SPPL2A: variants seen among roughly 807,000 people sequenced by gnomAD.
The protein encoded by SPPL2A is signal peptide peptidase like 2A.
In SPPL2A, 51 loss-of-function variants were observed where a neutral mutation model predicts 63.8. The ratio of observed to expected loss-of-function variants is 0.80; its 90% CI spans 0.64 to 1.01. SPPL2A has a LOEUF of 1.01. Ranked by LOEUF, SPPL2A falls within the 50% of genes least tolerant of loss-of-function variation. SPPL2A has a pLI of 0.00. For synonymous variants in SPPL2A, 188 were observed against 205.8 expected (o/e 0.91, Z 0.74); for missense variants, 553 against 622.7 (o/e 0.89, Z 1.19).
chr15:50,755,627 C>CAAAA (rs148415568), intron 1 of SPPL2A, among the ~76,000 whole-genome samples: 43 of 49,498 alleles, frequency 8.7e-4, no homozygotes, highest in African/African-American at 1.2e-3. Context: ...CACCCTGTCT[C>CAAAA]AAAAAAAAAA....
chr15:50,710,488 C>T (rs1024254437), intron 14 of SPPL2A, among the ~76,000 whole-genome samples: 5 of 151,982 alleles, frequency 3.3e-5, no homozygotes, highest in African/African-American at 9.7e-5. Context: ...ACATAAAGAA[C>T]AAAGTTTTAA....
chr15:50,721,014 C>T (rs2062642123), intron 13 of SPPL2A, among the ~76,000 whole-genome samples: 1 of 151,948 alleles, frequency 6.6e-6, no homozygotes, highest in Non-Finnish European at 1.5e-5. Context: ...ATGTTAAAGC[C>T]CTGGAGAGTA....
intron 1 of SPPL2A, among the ~76,000 whole-genome samples, chr15:50,754,951 C>T (rs987241561): frequency 1.3e-5 from 2 of 151,696 alleles, no homozygotes; most frequent in Non-Finnish European, 2.9e-5. Flanking sequence ...CATTGCACTC[C>T]AGCCTGGGCA....
At chr15:50,715,793 C>T (rs1428127412) in intron 14 of SPPL2A, among the ~76,000 whole-genome samples, 1 of 151,994 alleles carries the variant, frequency 6.6e-6, no homozygotes, top group Non-Finnish European at 1.5e-5. Flanking sequence ...TAATATTAAC[C>T]TACAAGACAT....
intron 1 of SPPL2A, among the ~76,000 whole-genome samples, chr15:50,755,651 A>G (rs1420893912): frequency 8.8e-5 from 13 of 148,018 alleles, no homozygotes; most frequent in East Asian, 3.9e-4. Flanking sequence ...AAAAAAAAAA[A>G]AAAAAGAAGA....
chr15:50,716,087 C>T (rs2062596923), intron 14 of SPPL2A, among the ~76,000 whole-genome samples: 2 of 152,156 alleles, frequency 1.3e-5, no homozygotes, highest in South Asian at 2.1e-4. Context: ...GAAGGAAATT[C>T]ACTTAAACCT....
rs920752970 is a variant in SPPL2A at position 50,745,323 on chromosome 15, G to A, written c.584+2172C>T. On this transcript the variant is annotated intron_variant, in intron 5 of 14. Transcript: ENST00000261854. The stretch of plus-strand genomic sequence containing the variant: ...ACGCCACCACACCTGTTTGATTTTC[G>A]TACTTTTACTAGAGATGGGGTTTCG... 1.2e-4 allele frequency among the ~76,000 whole-genome samples: 18 copies of A among 152,022 alleles called. 1 individual carries two copies. Among genetic ancestry groups the A allele is most frequent in the Admixed American group, 8.5e-4 (13 of 15,242 alleles).
At chr15:50,746,329 T>C (rs971323578) in intron 5 of SPPL2A, among the ~76,000 whole-genome samples, 1 of 150,504 alleles carries the variant, frequency 6.6e-6, no homozygotes, top group Non-Finnish European at 1.5e-5. Flanking sequence ...TCCCAGCTAC[T>C]TGGGAGGCTG....
chr15:50,752,724 A>C (rs1354239948), intron 1 of SPPL2A, among the ~76,000 whole-genome samples: 1 of 151,826 alleles, frequency 6.6e-6, no homozygotes, highest in Non-Finnish European at 1.5e-5. Context: ...TCTGAAAAAA[A>C]AAAAAACAAC....
intron 10 of SPPL2A, among the ~76,000 whole-genome samples, chr15:50,726,674 T>C (rs1208625078): frequency 6.6e-6 from 1 of 152,256 alleles, no homozygotes; most frequent in Non-Finnish European, 1.5e-5. Flanking sequence ...GACATATTCA[T>C]ATCTGACATT....
intron 2 of SPPL2A, 53 bp downstream of exon 2, chr15:50,749,583 G>A (rs890205293): frequency 6.9e-5 from 84 of 1,216,664 alleles, no homozygotes; most frequent in Admixed American, 2.4e-4. Flanking sequence ...ACCGTGCCCA[G>A]CCTCCTTCTT....
At chr15:50,764,834 T>G (rs2063043739) in intron 1 of SPPL2A, among the ~76,000 whole-genome samples, 1 of 152,056 alleles carries the variant, frequency 6.6e-6, no homozygotes, top group Admixed American at 6.6e-5. Context: ...GGCAGAAAAC[T>G]GAAAACCACT....
At position 50,707,532 on chromosome 15, in the gene SPPL2A, A is replaced by T. The variant is rs1478588626; in HGVS notation, c.*268T>A. Reference sequence around the variant, plus strand: ...AAAAAGTATAGGGGTGGGTCAAGGCATTTTTTTTTAGAAAAATATACTGTA... The same window carrying T: ...AAAAAGTATAGGGGTGGGTCAAGGCTTTTTTTTTTAGAAAAATATACTGTA... On this transcript the variant is annotated 3_prime_UTR_variant, in exon 15 of 15. Transcript: ENST00000261854. The T allele has an allele frequency of 1.3e-5, 4 of 304,760 alleles. No homozygotes were observed. The highest frequency in any genetic ancestry group is 1.1e-4 in the East Asian group (2 of 18,242). The allele number at this position is 304,760 out of a possible 1,614,324, so 18.9% of individuals were successfully genotyped here. A position where few individuals can be genotyped will look rare whatever the true frequency, so the allele number is the denominator to read the frequency against.
rs1287656962 is a variant in SPPL2A at position 50,712,168 on chromosome 15, A to T, written c.1489-4294T>A. Among the ~76,000 whole-genome samples the T allele has an allele frequency of 3.9e-5, 6 of 152,336 alleles. No homozygotes were observed. The East Asian group carries it at 1.2e-3, about 29-fold the overall frequency. ...GCATTGTGGATTCCTAATACGTAAC[A>T]GCTAATACTTAGTGAGGGAGGCATA... is the stretch of plus-strand genomic sequence containing the variant. On this transcript the variant is annotated intron_variant, in intron 14 of 14. Transcript: ENST00000261854.
intron 5 of SPPL2A, among the ~76,000 whole-genome samples, chr15:50,742,501 G>A (rs980431328): frequency 1.3e-5 from 2 of 152,124 alleles, no homozygotes; most frequent in Non-Finnish European, 2.9e-5. Flanking sequence ...ATTTTGGGTT[G>A]TGAGGTCCTG....
chr15:50,726,128 T>C (rs1209839303), intron 11 of SPPL2A, 193 bp downstream of exon 11: 4 of 1,519,400 alleles, frequency 2.6e-6, no homozygotes, highest in Non-Finnish European at 3.5e-6. Context: ...TCCATCATTC[T>C]AGGATGAAAC....
chr15:50,756,470 C>T (rs2062958047), intron 1 of SPPL2A, among the ~76,000 whole-genome samples: 1 of 152,076 alleles, frequency 6.6e-6, no homozygotes, highest in African/African-American at 2.4e-5. Context: ...TCCTTTTCAC[C>T]CTCCAAGTTA....
rs777466826 is a variant in SPPL2A, at chr15:50,765,463, C to T, written c.66+5G>A. 12 of 1,502,508 alleles carry T rather than the reference C, an allele frequency of 8.0e-6. No individual in the cohort carries two copies. The South Asian group carries it at 1.2e-4, about 15-fold the overall frequency. 93.1% of individuals were successfully genotyped at this position (1,502,508 alleles called of 1,614,324 possible). A position where few individuals can be genotyped will look rare whatever the true frequency, so the allele number is the denominator to read the frequency against. On this transcript the variant is annotated splice_donor_5th_base_variant and intron_variant, in intron 1 of 14. Coordinates refer to ENST00000261854, the MANE Select transcript of SPPL2A (RefSeq NM_032802.4). ...GGAGGCCTGCGCGCCTTCCCGCCCC[C>T]TTACCAGCTGGAGCAGGAAGCCCCA...
chr15:50,758,052 G>A (rs2062976629), intron 1 of SPPL2A, among the ~76,000 whole-genome samples: 9 of 149,796 alleles, frequency 6.0e-5, no homozygotes, highest in Admixed American at 6.0e-4. Flanking sequence ...ACTTTGGGAG[G>A]CTGAGGTGGG....
Sources: allele counts gnomAD v4.1 joint callset (sites outside exome capture counted in the v4.1 genomes callset), GRCh38; gene constraint gnomAD v4.1.1; transcripts MANE v1.5; gene names NCBI Gene and HGNC (gene_info 2026-07-23, HGNC 2026-07-21).